Variants in CASK observed in about 807,000 individuals in gnomAD.
The protein encoded by CASK is calcium/calmodulin dependent serine protein kinase.
CASK carries 4 observed loss-of-function variants against 82.9 expected under a neutral mutation model. The ratio of observed to expected loss-of-function variants is 0.05; its 90% confidence interval spans 0.02 to 0.11. The LOEUF (loss-of-function observed/expected upper bound fraction) is 0.11, where lower values mean the gene tolerates loss of function less well. Ranked by LOEUF, CASK falls within the 10% of genes least tolerant of loss-of-function variation. The pLI is 1.00. For missense variants in CASK, 358 were observed against 720.9 expected, an observed-to-expected ratio of 0.50 and a Z score of 5.76; for synonymous variants, 259 against 253.5, an observed-to-expected ratio of 1.02 and a Z score of -0.20.
chrX:41,573,017 C>T (rs1037437857), intron 15 of CASK, among the ~76,000 whole-genome samples: 3 of 108,450 alleles, frequency 2.8e-5, no homozygotes, highest in East Asian at 2.9e-4. Context: ...GTACTGCTTC[C>T]GATAAGACAT....
chrX:41,870,952 A>T (rs746355127), intron 1 of CASK, among the ~76,000 whole-genome samples: 2 of 112,377 alleles, frequency 1.8e-5, no homozygotes, highest in African/African-American at 3.2e-5. Flanking sequence ...TCTGTAGGTC[A>T]GGAGTCCAGG....
rs983870720 is a variant in CASK, at chrX:41,520,161, G to T, written c.*259C>A. On this transcript the variant is annotated 3_prime_UTR_variant, in exon 27 of 27. Coordinates refer to ENST00000378163, the MANE Select transcript of CASK (RefSeq NM_001367721.1). ...TTTCCAAAAATATAACATTCCAAAG[G>T]ATTGAATAATACATACATTTAAAGA... 24 of 272,305 alleles carry T rather than the reference G, an allele frequency of 8.8e-5. No homozygotes were observed. Among genetic ancestry groups the T allele is most frequent in the Non-Finnish European group, 1.6e-4 (24 of 154,630 alleles). The allele number at this position is 272,305 out of a possible 1,213,427, so 22.4% of individuals were successfully genotyped here.
intron 3 of CASK, among the ~76,000 whole-genome samples, chrX:41,767,257 C>T (rs1243984895): frequency 8.9e-6 from 1 of 111,755 alleles, no homozygotes; most frequent in Non-Finnish European, 1.9e-5. Flanking sequence ...TTGCTAAATG[C>T]GAAACCTGCC....
chrX:41,551,938 T>A (rs2147134436), intron 21 of CASK, among the ~76,000 whole-genome samples: 1 of 106,890 alleles, frequency 9.4e-6, no homozygotes, highest in African/African-American at 3.4e-5. Context: ...CCTTTTTTTA[T>A]TTCCCGGACA....
At chrX:41,618,825 C>CTTTT (rs1207067880) in intron 11 of CASK, among the ~76,000 whole-genome samples, 1 of 89,896 alleles carries the variant, frequency 1.1e-5, no homozygotes, top group Non-Finnish European at 2.2e-5. Flanking sequence ...TGTCCAATTT[C>CTTTT]TTTTTTTTTT....
chrX:41,854,127 C>T (rs2071317364), intron 1 of CASK, among the ~76,000 whole-genome samples: 1 of 110,514 alleles, frequency 9.0e-6, no homozygotes, highest in South Asian at 3.9e-4. Context: ...ACTGGTCTAG[C>T]TATTTGCTGA....
At chrX:41,633,054 AAAAATAAT>A (rs1334386924) in intron 9 of CASK, among the ~76,000 whole-genome samples, 129 of 88,758 alleles carry the variant, frequency 1.5e-3, no homozygotes, top group Admixed American at 2.4e-3. Context: ...AAAAAAAAAA[AAAAATAAT>A]AATAATAATA....
At chrX:41,676,642 A>C in intron 5 of CASK, 1 of 470,936 alleles carries the variant, frequency 2.1e-6, no homozygotes, top group East Asian at 3.7e-5. Flanking sequence ...AATCACCATA[A>C]GGTTTTGAAC....
intron 11 of CASK, among the ~76,000 whole-genome samples, chrX:41,619,994 T>C (rs1336660138): frequency 1.8e-5 from 2 of 112,797 alleles, no homozygotes; most frequent in Non-Finnish European, 3.7e-5. Context: ...AAGATTGCAA[T>C]GCTTATTTTT....
intron 2 of CASK, among the ~76,000 whole-genome samples, chrX:41,843,287 T>TA (rs2071083271): frequency 8.9e-6 from 1 of 111,880 alleles, no homozygotes; most frequent in Non-Finnish European, 1.9e-5. Context: ...AATATAAAGT[T>TA]AGACTTTGGT....
intron 11 of CASK, among the ~76,000 whole-genome samples, chrX:41,615,655 CAG>C (rs2066182572): frequency 9.2e-6 from 1 of 108,449 alleles, no homozygotes; most frequent in African/African-American, 3.4e-5. Context: ...TTTTTTGAGA[CAG>C]AGTCTCACTC....
chrX:41,714,293 T>C (rs908485752), intron 5 of CASK, among the ~76,000 whole-genome samples: 2 of 111,673 alleles, frequency 1.8e-5, no homozygotes, highest in Non-Finnish European at 1.9e-5. Context: ...CCCTACCTAG[T>C]ACTGTAAACT....
At chrX:41,766,412 T>TA (rs891994921) in intron 3 of CASK, among the ~76,000 whole-genome samples, 1 of 112,283 alleles carries the variant, frequency 8.9e-6, no homozygotes, top group Non-Finnish European at 1.9e-5. Context: ...CTTTCTCACT[T>TA]AAAAAAACTT....
intron 8 of CASK, among the ~76,000 whole-genome samples, chrX:41,638,026 C>T (rs914760906): frequency 5.4e-5 from 6 of 111,759 alleles, no homozygotes; most frequent in Non-Finnish European, 7.5e-5. Context: ...CTTGAGGATT[C>T]ATATGCTATA....
chrX:41,583,677 C>T (rs1330186961), intron 14 of CASK, among the ~76,000 whole-genome samples: 1 of 107,832 alleles, frequency 9.3e-6, no homozygotes, highest in Admixed American at 1.0e-4. Context: ...GAACTCCTGA[C>T]CTCAAATGAC....
chrX:41,751,369 C>T (rs1310431766), intron 3 of CASK, among the ~76,000 whole-genome samples: 1 of 111,652 alleles, frequency 9.0e-6, no homozygotes, highest in Admixed American at 9.6e-5. Flanking sequence ...GCTGGGATTA[C>T]AGGTATGAGC....
intron 12 of CASK, among the ~76,000 whole-genome samples, chrX:41,607,257 T>G (rs2065976332): frequency 1.8e-5 from 2 of 112,138 alleles, no homozygotes; most frequent in South Asian, 7.4e-4. Context: ...TGTTCCTGCT[T>G]CTCCCCTGCA....
intron 22 of CASK, among the ~76,000 whole-genome samples, chrX:41,535,522 A>C (rs1483405254): frequency 9.1e-6 from 1 of 109,692 alleles, no homozygotes; most frequent in African/African-American, 3.3e-5. Flanking sequence ...CTAGATTCTA[A>C]GGCAAGTTCT....
chrX:41,788,839 G>T (rs953280261), intron 2 of CASK, among the ~76,000 whole-genome samples: 2 of 111,841 alleles, frequency 1.8e-5, no homozygotes, highest in Admixed American at 9.5e-5. Flanking sequence ...CAGTATGCCA[G>T]AGACAATTAT....
Sources: gnomAD v4.1 joint callset for allele counts (sites outside exome capture counted in the v4.1 genomes callset) on GRCh38, gnomAD v4.1.1 for gene constraint, MANE v1.5 for transcripts, NCBI Gene and HGNC (gene_info 2026-07-23, HGNC 2026-07-21) for gene names.